RECK: variants seen among roughly 807,000 people sequenced by gnomAD.
RECK encodes the protein reversion-inducing cysteine-rich protein with Kazal motifs.
A neutral mutation model predicts 115.1 loss-of-function variants in RECK; 69 were observed. The ratio of observed to expected loss-of-function variants is 0.60; its 90% confidence interval spans 0.49 to 0.73. The LOEUF is 0.73. Among genes scored for constraint, RECK ranks in the 30% least tolerant of loss-of-function variants. The pLI is 0.00. For missense variants in RECK, 1,047 were observed against 1,203.7 expected, an observed-to-expected ratio of 0.87 and a Z score of 1.93; for synonymous variants, 414 against 419.7, an observed-to-expected ratio of 0.99 and a Z score of 0.17.
At chr9:36,089,225 G>C (rs16932922) in intron 9 of RECK, among the ~76,000 whole-genome samples, 3,875 of 152,196 alleles carry the variant, frequency 0.025, 172 homozygotes, top group African/African-American at 0.087. Flanking sequence ...GTGTTTCTTT[G>C]AATGCCCACA....
chr9:36,080,238 G>T (rs1206974394), intron 6 of RECK, among the ~76,000 whole-genome samples: 1 of 152,188 alleles, frequency 6.6e-6, no homozygotes, highest in Admixed American at 6.5e-5. Context: ...GTGGTTACAT[G>T]AAATATATAT....
At position 36,117,178 on chromosome 9, in the gene RECK, G is replaced by C; in HGVS notation, c.2253+1G>C. On this transcript the variant is annotated splice_donor_variant, in intron 17 of 20. Transcript: ENST00000377966. LOFTEE classifies it high-confidence loss of function. ...CCTCTCTTACAAAGGTCCCTGCCAG[G>C]TACAGTGCTTTGGCTGACAAAACAA... is the stretch of plus-strand genomic sequence containing the variant. The C allele has an allele frequency of 6.2e-7, 1 of 1,601,238 alleles. No individual in the cohort carries two copies.
chr9:36,111,400 T>C (rs1824036390), intron 15 of RECK, among the ~76,000 whole-genome samples: 1 of 152,206 alleles, frequency 6.6e-6, no homozygotes. Flanking sequence ...CTCTTTCTTT[T>C]TGTTTTTTCT....
intron 9 of RECK, among the ~76,000 whole-genome samples, chr9:36,090,000 ACAC>A (rs2132636444): frequency 6.8e-6 from 1 of 147,888 alleles, no homozygotes; most frequent in Admixed American, 6.7e-5. Flanking sequence ...ACACACACAC[ACAC>A]AAATTAGCCA....
chr9:36,112,617 A>G (rs777400679), intron 16 of RECK, 141 bp downstream of exon 16: 23 of 886,102 alleles, frequency 2.6e-5, no homozygotes, highest in Non-Finnish European at 3.6e-5. Context: ...AGGGAAAGAG[A>G]GCCATGTAAA....
At chr9:36,119,649 G>A (rs1267619105) in intron 18 of RECK, among the ~76,000 whole-genome samples, 2 of 152,108 alleles carry the variant, frequency 1.3e-5, no homozygotes, top group African/African-American at 2.4e-5. Context: ...TGTGCCAGAC[G>A]CTCCTCTAAG....
rs927703453 is a variant in RECK, at chr9:36,080,782, C to T, written c.439+144C>T. The stretch of plus-strand genomic sequence containing the variant: ...TATTATAACAATTCCCATGTCTTAA[C>T]TGTAGATCTACAATGCAGATACTAA... On this transcript the variant is annotated intron_variant, in intron 7 of 20. Transcript: ENST00000377966. The T allele has an allele frequency of 7.1e-6, 5 of 703,868 alleles. No homozygotes were observed. In the Admixed American group the frequency reaches 8.4e-5, roughly 12 times the overall value. 43.6% of individuals were successfully genotyped at this position (703,868 alleles called of 1,614,324 possible).
chr9:36,076,885 A>T (rs1039618326), intron 6 of RECK, among the ~76,000 whole-genome samples: 4 of 152,192 alleles, frequency 2.6e-5, no homozygotes, highest in African/African-American at 9.6e-5. Flanking sequence ...TGAGAAAAAC[A>T]ACCCAGACTA....
chr9:36,056,365 ATAT>A (rs1321045222), intron 2 of RECK, among the ~76,000 whole-genome samples: 1 of 152,202 alleles, frequency 6.6e-6, no homozygotes, highest in African/African-American at 2.4e-5. Context: ...TTCAAGTGAT[ATAT>A]ATGTATTGCA....
chr9:36,043,093 C>A (rs1407320960), intron 1 of RECK, among the ~76,000 whole-genome samples: 3 of 124,334 alleles, frequency 2.4e-5, no homozygotes, highest in African/African-American at 9.2e-5. Context: ...CTCGTGATCT[C>A]GGCTCACTGC....
chr9:36,098,058 G>A (rs1235478308), intron 10 of RECK, among the ~76,000 whole-genome samples: 1 of 152,146 alleles, frequency 6.6e-6, no homozygotes, highest in Non-Finnish European at 1.5e-5. Flanking sequence ...GAGAGAAGAG[G>A]GAGGAGAGAG....
In RECK at chr9:36,123,869, A is replaced by G. The variant is rs1246901396; in HGVS notation, c.*824A>G. 3 of 152,692 alleles carry G rather than the reference A, an allele frequency of 2.0e-5. No individual in the cohort carries two copies. Among genetic ancestry groups the G allele is most frequent in the Non-Finnish European group, 2.9e-5 (2 of 68,046 alleles). 9.5% of individuals were successfully genotyped at this position (152,692 alleles called of 1,614,324 possible). On this transcript the variant is annotated 3_prime_UTR_variant, in exon 21 of 21. Coordinates refer to ENST00000377966, the MANE Select transcript of RECK (RefSeq NM_021111.3). ...CTTTAAACCAATTGCTGCTACTTAT[A>G]TAATTGCCAAAAAGTGAAATAATGT...
intron 16 of RECK, among the ~76,000 whole-genome samples, chr9:36,116,777 C>T (rs574215072): frequency 3.3e-5 from 5 of 152,338 alleles, no homozygotes; most frequent in South Asian, 2.1e-4. Flanking sequence ...GACTCATCCC[C>T]GCAAGCTTTG....
chr9:36,105,951 C>T (rs1044755453), intron 13 of RECK, among the ~76,000 whole-genome samples: 3 of 152,146 alleles, frequency 2.0e-5, no homozygotes, highest in Admixed American at 6.5e-5. Flanking sequence ...CAGTGGCTCA[C>T]GCCTGTAATC....
chr9:36,065,171 A>T (rs1350602769), intron 5 of RECK, among the ~76,000 whole-genome samples: 1 of 149,650 alleles, frequency 6.7e-6, no homozygotes, highest in Non-Finnish European at 1.5e-5. Context: ...GAAAAAGCAA[A>T]ATGTAAATGC....
At chr9:36,062,603 G>A (rs1051345066) in intron 4 of RECK, among the ~76,000 whole-genome samples, 31 of 151,646 alleles carry the variant, frequency 2.0e-4, no homozygotes, top group Admixed American at 2.6e-4. Context: ...TCACCCTCCC[G>A]AGTAGTTTGG....
intron 6 of RECK, among the ~76,000 whole-genome samples, chr9:36,076,132 C>T (rs1015950306): frequency 7.9e-5 from 12 of 152,196 alleles, no homozygotes; most frequent in African/African-American, 2.9e-4. Flanking sequence ...GGCTAGAACC[C>T]GGACTGCCCT....
chr9:36,070,604 A>T (rs2132601893), intron 6 of RECK, among the ~76,000 whole-genome samples: 1 of 152,300 alleles, frequency 6.6e-6, no homozygotes, highest in Middle Eastern at 3.4e-3. Flanking sequence ...TCAAAATGGA[A>T]TGAGATATTC....
intron 1 of RECK, among the ~76,000 whole-genome samples, chr9:36,039,935 G>A (rs987228813): frequency 2.8e-4 from 42 of 152,232 alleles, no homozygotes; most frequent in African/African-American, 1.0e-3. Flanking sequence ...TTTCTGTCTG[G>A]CATCCATAAA....
Sources: allele counts gnomAD v4.1 joint callset (sites outside exome capture counted in the v4.1 genomes callset), GRCh38; gene constraint gnomAD v4.1.1; transcripts MANE v1.5; gene names NCBI Gene and HGNC (gene_info 2026-07-23, HGNC 2026-07-21).